The following SMOX variants were observed in gnomAD, a reference collection of about 807,000 sequenced individuals.
The protein encoded by SMOX is spermine oxidase, also known as flavin containing amine oxidase.
In SMOX, 22 loss-of-function variants were observed where a neutral mutation model predicts 51.0. The ratio of observed to expected loss-of-function variants is 0.43; its 90% CI spans 0.31 to 0.62. The LOEUF (loss-of-function observed/expected upper bound fraction) is 0.62, where lower values mean the gene tolerates loss of function less well. Among genes scored for constraint, SMOX ranks in the 20% least tolerant of loss-of-function variants. The probability of loss-of-function intolerance (pLI) is 0.10; values close to 1 mark genes in which losing one functional copy is unlikely to be tolerated. For missense variants in SMOX, 566 were observed against 777.7 expected (o/e 0.73, Z 3.24); for synonymous variants, 282 against 307.8 (o/e 0.92, Z 0.88).
At chr20:4,179,067 C>T (rs1381840765) in intron 3 of SMOX, among the ~76,000 whole-genome samples, 1 of 152,192 alleles carries the variant, frequency 6.6e-6, no homozygotes, top group Non-Finnish European at 1.5e-5. Context: ...GGAGGACAGG[C>T]ACACTTGGTG....
At chr20:4,175,326 G>T in intron 2 of SMOX, 63 bp downstream of exon 2, 1 of 1,529,564 alleles carries the variant, frequency 6.5e-7, no homozygotes. Flanking sequence ...CTAATTCCCG[G>T]CTCTGCCTGA....
intron 1 of SMOX, among the ~76,000 whole-genome samples, chr20:4,168,809 G>A (rs1986691485): frequency 6.6e-6 from 1 of 151,792 alleles, no homozygotes; most frequent in Admixed American, 6.6e-5. Context: ...CGCCCGCCTC[G>A]GCCTCCCCAA....
intron 1 of SMOX, among the ~76,000 whole-genome samples, chr20:4,169,786 C>A (rs963681903): frequency 3.9e-5 from 6 of 152,144 alleles, no homozygotes; most frequent in Admixed American, 2.6e-4. Context: ...AACACCCACC[C>A]CGAAATCACA....
Position 4,149,444 on chromosome 20 carries a change from G to GTGA in SMOX, c.-27+470_-27+472dup, listed in dbSNP as rs1215465707. Among the ~76,000 whole-genome samples, 1 of 152,056 alleles carries GTGA rather than the reference G, an allele frequency of 6.6e-6. No individual in the cohort carries two copies. Among genetic ancestry groups the GTGA allele is most frequent in the Non-Finnish European group, 1.5e-5 (1 of 67,992 alleles). On this transcript the variant is annotated intron_variant, in intron 1 of 6. Coordinates refer to ENST00000305958, the MANE Select transcript of SMOX (RefSeq NM_175839.3). The surrounding 1 kb of genome is among the most constrained non-coding windows in gnomAD (Gnocchi z 6.0). ...CGGGGAGAGGACAGAAGGCTCCCGG[G>GTGA]TGATGGCCCGAACGCCAGGAGAGGC...
chr20:4,169,386 C>G (rs1986725187), intron 1 of SMOX, among the ~76,000 whole-genome samples: 1 of 152,052 alleles, frequency 6.6e-6, no homozygotes, highest in South Asian at 2.1e-4. Context: ...TCTCCTGGCA[C>G]TGTTTTGTTT....
At chr20:4,155,416 G>C (rs953597809) in intron 1 of SMOX, among the ~76,000 whole-genome samples, 43 of 81,308 alleles carry the variant, frequency 5.3e-4, no homozygotes, top group African/African-American at 7.0e-4. Context: ...ACGTGGGAGT[G>C]GGGGGGGCCT....
At position 4,177,223 on chromosome 20, in the gene SMOX, G is replaced by T; in HGVS notation, c.209-128G>T. On this transcript the variant is annotated intron_variant, in intron 2 of 6. Transcript: ENST00000305958. The surrounding 1 kb of genome is among the most constrained non-coding windows in gnomAD (Gnocchi z 4.3). ...GGACCTTCGTTGGTTGCCAGCAGTGGAAGTTCAAGCTCTTTCCTGCCCTGT... is the reference window on the plus strand; with the variant it reads ...GGACCTTCGTTGGTTGCCAGCAGTGTAAGTTCAAGCTCTTTCCTGCCCTGT... The T allele has an allele frequency of 1.2e-6, 1 of 807,376 alleles. No individual in the cohort carries two copies. 50.0% of individuals were successfully genotyped at this position (807,376 alleles called of 1,614,324 possible). A position where few individuals can be genotyped will look rare whatever the true frequency, so the allele number is the denominator to read the frequency against.
At chr20:4,159,675 A>G (rs1285757849) in intron 1 of SMOX, among the ~76,000 whole-genome samples, 2 of 152,220 alleles carry the variant, frequency 1.3e-5, no homozygotes, top group African/African-American at 4.8e-5. Context: ...TGATGCTTCA[A>G]AAGCTAGTGA....
In SMOX at chr20:4,172,732, G is replaced by A. The variant is rs1040494699; in HGVS notation, c.-26-2298G>A. Among the ~76,000 whole-genome samples, 7 of 150,870 alleles carry A rather than the reference G, an allele frequency of 4.6e-5. No homozygotes were observed. The highest frequency in any genetic ancestry group is 1.7e-4 in the African/African-American group (7 of 40,944). On this transcript the variant is annotated intron_variant, in intron 1 of 6. Coordinates refer to ENST00000305958, the MANE Select transcript of SMOX (RefSeq NM_175839.3). This position sits in a 1 kb window ranked among gnomAD's most constrained non-coding sequence, Gnocchi z 7.7. ...CCACCTACCGGCCCTTTTGGGAACC[G>A]ATTCTGCACGGAGTTGGCGGGCCTG...
Position 4,166,365 on chromosome 20 carries a change from T to C in SMOX, c.-26-8665T>C, listed in dbSNP as rs966060130. Among the ~76,000 whole-genome samples the C allele has an allele frequency of 6.6e-6, 1 of 152,140 alleles. No individual in the cohort carries two copies. Among genetic ancestry groups the C allele is most frequent in the African/African-American group, 2.4e-5 (1 of 41,434 alleles). The stretch of plus-strand genomic sequence containing the variant: ...TGCCCTTTGTCTGACTTCTTTTTTT[T>C]GAGACAAGGTCTTGCTCTGTCTCCC... On this transcript the variant is annotated intron_variant, in intron 1 of 6. Transcript: ENST00000305958. This position sits in a 1 kb window ranked among gnomAD's most constrained non-coding sequence, Gnocchi z 4.2.
intron 2 of SMOX, among the ~76,000 whole-genome samples, chr20:4,175,545 G>C (rs1192546558): frequency 6.6e-6 from 1 of 152,136 alleles, no homozygotes; most frequent in Non-Finnish European, 1.5e-5. Context: ...TTGGTACTGA[G>C]TGGGCAAGTT....
chr20:4,167,281 C>T lies in SMOX; in HGVS notation c.-26-7749C>T, dbSNP rs1193243489. 6.6e-6 allele frequency among the ~76,000 whole-genome samples: 1 copy of T among 152,082 alleles called. No homozygotes were observed. Among genetic ancestry groups the T allele is most frequent in the Non-Finnish European group, 1.5e-5 (1 of 68,018 alleles). ...GCCAAGGTGAAGGCTGGGTTCTGAG[C>T]TCAGATGAAGATTGGGGTTCTTCTA... is the stretch of plus-strand genomic sequence containing the variant. On this transcript the variant is annotated intron_variant, in intron 1 of 6. Transcript: ENST00000305958. The surrounding 1 kb of genome is among the most constrained non-coding windows in gnomAD (Gnocchi z 4.8).
rs570790480 is a variant in SMOX, at chr20:4,183,173, C to G, written c.1370-321C>G. The G allele has an allele frequency of 1.6e-5, 9 of 564,704 alleles. No homozygotes were observed. Among genetic ancestry groups the G allele is most frequent in the Middle Eastern group, 4.7e-4 (1 of 2,114 alleles). 35.0% of individuals were successfully genotyped at this position (564,704 alleles called of 1,614,324 possible). On this transcript the variant is annotated intron_variant, in intron 5 of 6. Coordinates refer to ENST00000305958, the MANE Select transcript of SMOX (RefSeq NM_175839.3). This position sits in a 1 kb window ranked among gnomAD's most constrained non-coding sequence, Gnocchi z 4.3. ...TTACTCTCTGAGTCTTTCAGCTCAA[C>G]ATTTTTCACCCACTATTCCAGGAGG... is the stretch of plus-strand genomic sequence containing the variant.
chr20:4,169,660 T>TG (rs1986735935), intron 1 of SMOX, among the ~76,000 whole-genome samples: 1 of 152,000 alleles, frequency 6.6e-6, no homozygotes. Context: ...GCCTGTGCTT[T>TG]GGGGGTAGGC....
At position 4,181,791 on chromosome 20, in the gene SMOX, T is replaced by A. The variant is rs369997733; in HGVS notation, c.436-12T>A. The stretch of plus-strand genomic sequence containing the variant: ...ATGAGGTGTTTTCAGTCTCATGGGG[T>A]CTCTCTGGCAGGTCTATAACTTGAC... On this transcript the variant is annotated splice_polypyrimidine_tract_variant and intron_variant, in intron 3 of 6. Transcript: ENST00000305958. The surrounding 1 kb of genome is among the most constrained non-coding windows in gnomAD (Gnocchi z 5.6). 6.2e-7 allele frequency: 1 copy of A among 1,612,472 alleles called. No homozygotes were observed. Among genetic ancestry groups the A allele is most frequent in the African/African-American group, 1.3e-5 (1 of 74,956 alleles).
chr20:4,161,291 G>A (rs1986303986), intron 1 of SMOX, among the ~76,000 whole-genome samples: 1 of 152,218 alleles, frequency 6.6e-6, no homozygotes, highest in Admixed American at 6.5e-5. Context: ...CTCATGCAGG[G>A]GGCTGTGTTT....
chr20:4,176,943 G>A (rs908704520), intron 2 of SMOX, among the ~76,000 whole-genome samples: 3 of 152,136 alleles, frequency 2.0e-5, no homozygotes, highest in Admixed American at 6.5e-5. Context: ...TTAGATCTTG[G>A]AGCCACTGGG....
Position 4,181,227 on chromosome 20 carries a change from C to G in SMOX, c.436-576C>G, listed in dbSNP as rs1290839480. On this transcript the variant is annotated intron_variant, in intron 3 of 6. Coordinates refer to ENST00000305958, the MANE Select transcript of SMOX (RefSeq NM_175839.3). This position sits in a 1 kb window ranked among gnomAD's most constrained non-coding sequence, Gnocchi z 5.6. ...TGTTCCTGTCTTCCCCACTGCGTCT[C>G]AGCTTCCTTACTCGTGGCTGAGGCC... Among the ~76,000 whole-genome samples the G allele has an allele frequency of 6.6e-6, 1 of 152,210 alleles. No individual in the cohort carries two copies. Among genetic ancestry groups the G allele is most frequent in the Non-Finnish European group, 1.5e-5 (1 of 68,040 alleles).
In SMOX at chr20:4,181,543, A is replaced by G. The variant is rs1741325; in HGVS notation, c.436-260A>G. ...ACTGTATGGGCACCAAATGTTTCAC[A>G]TTGTCCTAAGTGAGGGCCCAGCAAG... is the stretch of plus-strand genomic sequence containing the variant. On this transcript the variant is annotated intron_variant, in intron 3 of 6. Coordinates refer to ENST00000305958, the MANE Select transcript of SMOX (RefSeq NM_175839.3). The surrounding 1 kb of genome is among the most constrained non-coding windows in gnomAD (Gnocchi z 5.6). Among the ~76,000 whole-genome samples the G allele has an allele frequency of 0.12, 17,720 of 152,214 alleles. 2,027 individuals are homozygous for G. The highest frequency in any genetic ancestry group is 0.28 in the African/African-American group (11,614 of 41,508).
Sources: gnomAD v4.1 joint callset for allele counts (sites outside exome capture counted in the v4.1 genomes callset) on GRCh38, gnomAD v4.1.1 for gene constraint, Gnocchi (gnomAD v3.1) non-coding constraint, MANE v1.5 for transcripts, NCBI Gene and HGNC (gene_info 2026-07-23, HGNC 2026-07-21) for gene names.